The following LRCH1 variants were observed in gnomAD, a reference collection of about 807,000 sequenced individuals.
LRCH1 encodes the protein leucine-rich repeat and calponin homology domain-containing protein 1.
A neutral mutation model predicts 94.9 loss-of-function variants in LRCH1; 23 were observed. The observed-to-expected ratio is 0.24, with a 90% confidence interval of 0.17 to 0.34. The LOEUF is 0.34. Among genes scored for constraint, LRCH1 ranks in the 10% least tolerant of loss-of-function variants. The probability of loss-of-function intolerance (pLI) is 1.00; values close to 1 mark genes in which losing one functional copy is unlikely to be tolerated. For synonymous variants in LRCH1, 364 were observed against 354.9 expected (o/e 1.03, Z -0.29); for missense variants, 790 against 945.9 (o/e 0.84, Z 2.16).
chr13:46,600,190 C>T (rs1266309128), intron 1 of LRCH1, among the ~76,000 whole-genome samples: 2 of 152,164 alleles, frequency 1.3e-5, no homozygotes, highest in Non-Finnish European at 2.9e-5. Context: ...CCCGGCCAGG[C>T]TTTTTAACAT....
At chr13:46,692,511 T>TAA (rs765042817) in intron 7 of LRCH1, 25 bp from the exon 8 acceptor site, 1 of 1,515,628 alleles carries the variant, frequency 6.6e-7, no homozygotes, top group Non-Finnish European at 9.2e-7. Flanking sequence ...TCTCTTGAGT[T>TAA]AAACAGTGCA....
At chr13:46,582,370 C>CTTTTTT (rs10686269) in intron 1 of LRCH1, among the ~76,000 whole-genome samples, 76 of 79,494 alleles carry the variant, frequency 9.6e-4, no homozygotes, top group East Asian at 2.4e-3. Context: ...TTGCTCTCAT[C>CTTTTTT]TTTTTTTTTT....
At chr13:46,676,059 G>A (rs1424181489) in intron 3 of LRCH1, among the ~76,000 whole-genome samples, 4 of 152,162 alleles carry the variant, frequency 2.6e-5, no homozygotes, top group African/African-American at 9.7e-5. Flanking sequence ...TCAGGAGTTC[G>A]AGACCAGCCT....
chr13:46,566,587 A>G (rs1007111790), intron 1 of LRCH1, among the ~76,000 whole-genome samples: 1 of 152,218 alleles, frequency 6.6e-6, no homozygotes, highest in Non-Finnish European at 1.5e-5. Context: ...CAGTCAGAGT[A>G]TATTTGTAAG....
chr13:46,595,433 G>T (rs2050550338), intron 1 of LRCH1, among the ~76,000 whole-genome samples: 1 of 152,110 alleles, frequency 6.6e-6, no homozygotes, highest in South Asian at 2.1e-4. Context: ...ACTCAGACTG[G>T]GTAGGAAAGC....
At chr13:46,581,818 C>T (rs1004216876) in intron 1 of LRCH1, among the ~76,000 whole-genome samples, 12 of 152,214 alleles carry the variant, frequency 7.9e-5, no homozygotes, top group African/African-American at 2.9e-4. Flanking sequence ...CCACATGCTC[C>T]TGTTTCTTTT....
chr13:46,736,959 A>G (rs1032945993), intron 19 of LRCH1, among the ~76,000 whole-genome samples: 3 of 152,248 alleles, frequency 2.0e-5, no homozygotes, highest in Non-Finnish European at 1.5e-5. Context: ...TTTCACATTC[A>G]TATAGATGGA....
At chr13:46,583,801 C>T (rs1212966132) in intron 1 of LRCH1, among the ~76,000 whole-genome samples, 8 of 151,458 alleles carry the variant, frequency 5.3e-5, no homozygotes, top group Middle Eastern at 3.4e-3. Context: ...CACTGTGTCC[C>T]CCAGGCTGGA....
chr13:46,664,749 G>GGT (rs2051494121), intron 2 of LRCH1, among the ~76,000 whole-genome samples: 1 of 152,170 alleles, frequency 6.6e-6, no homozygotes, highest in Admixed American at 6.5e-5. Context: ...ATATGGATGT[G>GGT]GTGTTGGGCT....
chr13:46,627,181 A>G (rs1388236788), intron 1 of LRCH1, among the ~76,000 whole-genome samples: 1 of 152,224 alleles, frequency 6.6e-6, no homozygotes, highest in Non-Finnish European at 1.5e-5. Context: ...GTTTTAGGGT[A>G]TATGTATATA....
chr13:46,617,545 T>TGTAACCATGAACAAGGTTCTCGCAGGG (rs1324291355), intron 1 of LRCH1, among the ~76,000 whole-genome samples: 2 of 152,222 alleles, frequency 1.3e-5, no homozygotes. Context: ...GCCCCTGCCT[T>TGTAACCATGAACAAGGTTCTCGCAGGG]GTAACCATGA....
intron 1 of LRCH1, among the ~76,000 whole-genome samples, chr13:46,585,995 G>T (rs1435141854): frequency 6.6e-6 from 1 of 152,022 alleles, no homozygotes; most frequent in African/African-American, 2.4e-5. Flanking sequence ...CATGAGTATT[G>T]GGGAAAAATG....
chr13:46,697,820 A>G (rs933543522), intron 9 of LRCH1, among the ~76,000 whole-genome samples: 4 of 152,238 alleles, frequency 2.6e-5, no homozygotes, highest in African/African-American at 9.6e-5. Flanking sequence ...AATGAGGATC[A>G]ACTGTAAAAC....
In LRCH1 at chr13:46,694,902, A is replaced by T. The variant is rs753593414; in HGVS notation, c.1130A>T (p.His377Leu). ...TATATTTTCCTAATAGGGGAATTTC[A>T]TCAGGAATTTCAACCGGAGCCTTCC... Reference protein sequence around the residue: ...HRLSPVKGEFHQEFQPEPSLL... With the variant: ...HRLSPVKGEFLQEFQPEPSLL... Residue 377 changes from histidine to leucine, a missense_variant, in exon 9 of 20, where the codon CAT (histidine) becomes CTT (leucine). His to Leu is a moderately conservative substitution (Grantham distance 99). This residue lies in a region of LRCH1 where 460 missense variants were observed against 508.9 expected (regional missense o/e 0.90). Coordinates refer to ENST00000389797, the MANE Select transcript of LRCH1 (RefSeq NM_001164211.2). The T allele has an allele frequency of 2.5e-6, 4 of 1,614,006 alleles. No homozygotes were observed. The East Asian group carries it at 6.7e-5, about 27-fold the overall frequency.
chr13:46,694,586 GC>G (rs1566231613), intron 8 of LRCH1, among the ~76,000 whole-genome samples: 1 of 151,952 alleles, frequency 6.6e-6, no homozygotes, highest in East Asian at 1.9e-4. Flanking sequence ...ATTACTGAGG[GC>G]AAAAAAGCCT....
rs912457809 is a variant in LRCH1 at position 46,744,682 on chromosome 13, T to C, written c.*2834T>C. On this transcript the variant is annotated 3_prime_UTR_variant, in exon 20 of 20. Coordinates refer to ENST00000389797, the MANE Select transcript of LRCH1 (RefSeq NM_001164211.2). ...AGCTGGGTTATCTCTCGAAAACTCA[T>C]GTAGATGCCTGATTGAGTCATAAGG... is the stretch of plus-strand genomic sequence containing the variant. The C allele has an allele frequency of 4.1e-6, 4 of 985,308 alleles. No homozygotes were observed. The highest frequency in any genetic ancestry group is 1.1e-4 in the East Asian group (1 of 8,828). The allele number at this position is 985,308 out of a possible 1,614,324, so 61.0% of individuals were successfully genotyped here.
At chr13:46,728,512 G>A (rs755622347) in intron 17 of LRCH1, among the ~76,000 whole-genome samples, 1 of 152,206 alleles carries the variant, frequency 6.6e-6, no homozygotes, top group Non-Finnish European at 1.5e-5. Flanking sequence ...CACTGTGCCC[G>A]ACCAGAGAAA....
rs755268686 is a variant in LRCH1, at chr13:46,553,357, C to T, written c.-40C>T. On this transcript the variant is annotated 5_prime_UTR_variant, in exon 1 of 20. Coordinates refer to ENST00000389797, the MANE Select transcript of LRCH1 (RefSeq NM_001164211.2). ...CTCGCGGGGAACGCTGTGACCCCCC[C>T]GCAGGAGCGGCGGGGCGGGGTGGGG... The T allele has an allele frequency of 4.3e-5, 64 of 1,494,560 alleles. No homozygotes were observed. The highest frequency in any genetic ancestry group is 3.5e-4 in the Middle Eastern group (2 of 5,664). The allele number at this position is 1,494,560 out of a possible 1,614,324, so 92.6% of individuals were successfully genotyped here. A position where few individuals can be genotyped will look rare whatever the true frequency, so the allele number is the denominator to read the frequency against.
At chr13:46,652,266 C>T (rs1053397447) in intron 2 of LRCH1, among the ~76,000 whole-genome samples, 2 of 151,800 alleles carry the variant, frequency 1.3e-5, no homozygotes, top group South Asian at 4.2e-4. Flanking sequence ...TTAGTAGAGG[C>T]GGGGTTTCAC....
Sources: gnomAD v4.1 joint callset for allele counts (sites outside exome capture counted in the v4.1 genomes callset) on GRCh38, gnomAD v4.1.1 for gene constraint, gnomAD v4.1.1 regional missense constraint, MANE v1.5 for transcripts, NCBI Gene and HGNC (gene_info 2026-07-23, HGNC 2026-07-21) for gene names.